TRMT9B: variants seen among roughly 807,000 people sequenced by gnomAD.
TRMT9B encodes probable tRNA methyltransferase 9B.
TRMT9B carries 16 observed loss-of-function variants against 11.5 expected under a neutral mutation model. The observed-to-expected ratio is 1.39, with a 90% CI of 0.94 to 2.11. The LOEUF is 2.11. Ranked by LOEUF, TRMT9B falls within the 30% of genes most tolerant of loss-of-function variation. The probability of loss-of-function intolerance (pLI) is 0.00; values close to 1 mark genes in which losing one functional copy is unlikely to be tolerated. For missense variants in TRMT9B, 941 were observed against 553.8 expected, an observed-to-expected ratio of 1.70 and a Z score of -7.02; for synonymous variants, 274 against 192.4, an observed-to-expected ratio of 1.42 and a Z score of -3.51.
At chr8:13,019,644 A>T (rs141121843) in intron 4 of TRMT9B, among the ~76,000 whole-genome samples, 123 of 152,322 alleles carry the variant, frequency 8.1e-4, no homozygotes, top group African/African-American at 2.9e-3. Flanking sequence ...GAGCATTAGC[A>T]GTGGATTGAG....
intron 1 of TRMT9B, among the ~76,000 whole-genome samples, chr8:12,973,787 C>T (rs778611727): frequency 3.3e-5 from 5 of 152,160 alleles, no homozygotes; most frequent in Non-Finnish European, 5.9e-5. Context: ...ATCCACAAAA[C>T]ACTTCATGAA....
At chr8:12,992,416 A>C (rs189595349) in intron 2 of TRMT9B, among the ~76,000 whole-genome samples, 21 of 152,054 alleles carry the variant, frequency 1.4e-4, no homozygotes, top group Middle Eastern at 3.4e-3. Context: ...GCTCTTTGGG[A>C]GGCCTGGGTA....
chr8:13,000,224 C>T (rs1809161418), intron 2 of TRMT9B, among the ~76,000 whole-genome samples: 1 of 152,116 alleles, frequency 6.6e-6, no homozygotes, highest in Admixed American at 6.6e-5. Flanking sequence ...ACGTTTATGC[C>T]ATAGCAAGTC....
At chr8:12,965,248 G>C (rs1802659275) in intron 1 of TRMT9B, among the ~76,000 whole-genome samples, 1 of 152,202 alleles carries the variant, frequency 6.6e-6, no homozygotes, top group South Asian at 2.1e-4. Context: ...GGTTTTTGTA[G>C]GTATTAAGCA....
intron 1 of TRMT9B, among the ~76,000 whole-genome samples, chr8:12,982,849 G>A (rs1316014386): frequency 1.3e-5 from 2 of 152,148 alleles, no homozygotes; most frequent in Non-Finnish European, 2.9e-5. Flanking sequence ...GCAGCCACAG[G>A]ACACATGATT....
In TRMT9B at chr8:13,021,701, T is replaced by C. The variant is rs375961333; in HGVS notation, c.1022T>C (p.Met341Thr). 6 of 1,613,630 alleles carry C rather than the reference T, an allele frequency of 3.7e-6. No homozygotes were observed. Among genetic ancestry groups the C allele is most frequent in the Non-Finnish European group, 5.1e-6 (6 of 1,179,860 alleles). The part of the protein sequence containing the change: ...KHLNGDHQGE[M>T]RRNGGGNFLD... ...TTAAATGGAGACCATCAAGGGGAAA[T>C]GAGGAGAAATGGAGGGGGAAATTTT... Residue 341 changes from methionine (M) to threonine (T), a missense_variant, in exon 5 of 5, where the codon ATG becomes ACG. Met to Thr is a moderately conservative substitution (Grantham distance 81, BLOSUM62 -1). Transcript: ENST00000524591.
intron 1 of TRMT9B, among the ~76,000 whole-genome samples, chr8:12,984,820 A>T (rs1448164891): frequency 6.6e-6 from 1 of 152,138 alleles, no homozygotes; most frequent in East Asian, 1.9e-4. Context: ...ATTGTAATAT[A>T]GTTGCAATGA....
At chr8:12,948,715 C>G (rs556447180) in intron 1 of TRMT9B, among the ~76,000 whole-genome samples, 4 of 152,160 alleles carry the variant, frequency 2.6e-5, no homozygotes, top group East Asian at 1.9e-4. Flanking sequence ...AATCCCAGCA[C>G]TTTGGGAGGC....
chr8:12,952,504 C>A, intron 1 of TRMT9B: 1 of 227,544 alleles, frequency 4.4e-6, no homozygotes, highest in Non-Finnish European at 8.9e-6. Flanking sequence ...TTGGATAAAT[C>A]AGAATTCAGA....
At chr8:12,987,294 A>G (rs1806487439) in intron 1 of TRMT9B, among the ~76,000 whole-genome samples, 1 of 152,330 alleles carries the variant, frequency 6.6e-6, no homozygotes, top group African/African-American at 2.4e-5. Flanking sequence ...AAATGCTTAC[A>G]ACACGGCCTG....
chr8:12,979,868 T>G lies in TRMT9B; in HGVS notation c.-199-10966T>G, dbSNP rs1805068450. ...ACATTTTCTGGAATACAGTAGGGACTGTACAGAATCAAGAGAACCTCGGCT... is the reference window on the plus strand; with the variant it reads ...ACATTTTCTGGAATACAGTAGGGACGGTACAGAATCAAGAGAACCTCGGCT... On this transcript the variant is annotated intron_variant, in intron 1 of 4. Coordinates refer to ENST00000524591, the MANE Select transcript of TRMT9B (RefSeq NM_020844.3). Among the ~76,000 whole-genome samples the G allele has an allele frequency of 3.9e-5, 6 of 152,194 alleles. 1 individual carries two copies. The highest frequency in any genetic ancestry group is 3.9e-4 in the Admixed American group (6 of 15,274).
At chr8:13,013,465 T>C (rs373066330) in intron 4 of TRMT9B, among the ~76,000 whole-genome samples, 25 of 152,122 alleles carry the variant, frequency 1.6e-4, no homozygotes, top group East Asian at 1.2e-3. Flanking sequence ...AAAACACACA[T>C]GCCAAAAAAT....
chr8:12,999,291 T>C (rs1585284622), intron 2 of TRMT9B, among the ~76,000 whole-genome samples: 1 of 114,598 alleles, frequency 8.7e-6, no homozygotes, highest in African/African-American at 3.6e-5. Flanking sequence ...AGAGGGAGAC[T>C]CCATCTCAAA....
At chr8:12,947,346 T>A (rs141034047) in intron 1 of TRMT9B, among the ~76,000 whole-genome samples, 3 of 152,204 alleles carry the variant, frequency 2.0e-5, no homozygotes, top group Non-Finnish European at 4.4e-5. Flanking sequence ...TGCATCAAGA[T>A]GTTATCATGC....
At position 13,028,190 on chromosome 8, in the gene TRMT9B, C is replaced by G. The variant is rs571772377; in HGVS notation, c.*6146C>G. 6.0e-6 allele frequency: 1 copy of G among 167,046 alleles called. No homozygotes were observed. Among genetic ancestry groups the G allele is most frequent in the Non-Finnish European group, 1.5e-5 (1 of 68,124 alleles). 10.3% of individuals were successfully genotyped at this position (167,046 alleles called of 1,614,324 possible). On this transcript the variant is annotated 3_prime_UTR_variant, in exon 5 of 5. Coordinates refer to ENST00000524591, the MANE Select transcript of TRMT9B (RefSeq NM_020844.3). ...TCTGTCCTCTTGTGGTGCGGGTCTT[C>G]CCCAGTTGATTATACACAGATAATC... is the stretch of plus-strand genomic sequence containing the variant.
At chr8:12,966,259 T>C (rs949524404) in intron 1 of TRMT9B, among the ~76,000 whole-genome samples, 2 of 152,048 alleles carry the variant, frequency 1.3e-5, no homozygotes, top group African/African-American at 2.4e-5. Context: ...GGTGACAGAG[T>C]GAGACCTTGT....
In TRMT9B at chr8:13,012,815, C is replaced by A. The variant is rs778716077; in HGVS notation, c.286C>A (p.Pro96Thr). The change falls in exon 4 of 5, where the codon CCC (proline) becomes ACC (threonine). Residue 96 changes from proline (P) to threonine (T), a missense_variant. Pro to Thr is a conservative substitution (Grantham distance 38, BLOSUM62 -1). Transcript: ENST00000524591. ...CATGGTATGTGACAACCTTAATCTCCCCTTTAGGGATGAGGGCTTCGATGC... is the reference window on the plus strand; with the variant it reads ...CATGGTATGTGACAACCTTAATCTCACCTTTAGGGATGAGGGCTTCGATGC... ...EAMVCDNLNLPFRDEGFDAII... is the reference protein window; with the variant it reads ...EAMVCDNLNLTFRDEGFDAII... The A allele has an allele frequency of 6.2e-7, 1 of 1,613,904 alleles. No homozygotes were observed. Among genetic ancestry groups the A allele is most frequent in the Non-Finnish European group, 8.5e-7 (1 of 1,179,862 alleles).
rs1462214347 is a variant in TRMT9B at position 13,025,755 on chromosome 8, A to G, written c.*3711A>G. 2 of 166,948 alleles carry G rather than the reference A, an allele frequency of 1.2e-5. No homozygotes were observed. Among genetic ancestry groups the G allele is most frequent in the African/African-American group, 4.8e-5 (2 of 41,470 alleles). 10.3% of individuals were successfully genotyped at this position (166,948 alleles called of 1,614,324 possible). On this transcript the variant is annotated 3_prime_UTR_variant, in exon 5 of 5. Coordinates refer to ENST00000524591, the MANE Select transcript of TRMT9B (RefSeq NM_020844.3). ...CAAACTAGCTACACAAACGTCTTGGAGTTTGGTTTCGTTCTCTTTTCTCAT... is the reference window on the plus strand; with the variant it reads ...CAAACTAGCTACACAAACGTCTTGGGGTTTGGTTTCGTTCTCTTTTCTCAT...
In TRMT9B at chr8:13,006,201, G is replaced by C. The variant is rs935632073; in HGVS notation, c.-1-1G>C. On this transcript the variant is annotated splice_acceptor_variant, in intron 2 of 4. Coordinates refer to ENST00000524591, the MANE Select transcript of TRMT9B (RefSeq NM_020844.3). LOFTEE classifies it low-confidence loss of function (5UTR_SPLICE). Reference sequence around the variant, plus strand: ...CCTTGGGTTGGTCCTGTTTTCTCCAGGATGGATCATGAAGCCGCCCAGCTG... The same window carrying C: ...CCTTGGGTTGGTCCTGTTTTCTCCACGATGGATCATGAAGCCGCCCAGCTG... The C allele has an allele frequency of 1.2e-6, 2 of 1,613,838 alleles. No homozygotes were observed. Among genetic ancestry groups the C allele is most frequent in the Non-Finnish European group, 1.7e-6 (2 of 1,179,828 alleles).
Sources: gnomAD v4.1 joint callset for allele counts (sites outside exome capture counted in the v4.1 genomes callset) on GRCh38, gnomAD v4.1.1 for gene constraint, MANE v1.5 for transcripts, NCBI Gene and HGNC (gene_info 2026-07-23, HGNC 2026-07-21) for gene names.